The following NCOA2 variants were observed in gnomAD, a reference collection of about 807,000 sequenced individuals.
The protein encoded by NCOA2 is class E basic helix-loop-helix protein 75.
A neutral mutation model predicts 145.1 loss-of-function variants in NCOA2; 21 were observed. That is an observed-to-expected ratio of 0.14 (90% CI 0.10 to 0.21). The LOEUF is 0.21. Ranked by LOEUF, NCOA2 falls within the 10% of genes least tolerant of loss-of-function variation. NCOA2 has a pLI of 1.00. For synonymous variants in NCOA2, 619 were observed against 637.5 expected (o/e 0.97, Z 0.44); for missense variants, 1,472 against 1,837.6 (o/e 0.80, Z 3.64).
intron 11 of NCOA2, among the ~76,000 whole-genome samples, chr8:70,150,983 G>C (rs1357117803): frequency 6.6e-6 from 1 of 152,082 alleles, no homozygotes; most frequent in Non-Finnish European, 1.5e-5. Flanking sequence ...AAACTGAGAA[G>C]GTTATATCTG....
At chr8:70,230,925 CTT>C (rs1821075468) in intron 2 of NCOA2, among the ~76,000 whole-genome samples, 1 of 152,100 alleles carries the variant, frequency 6.6e-6, no homozygotes, top group South Asian at 2.1e-4. Flanking sequence ...CATTAAATGT[CTT>C]TATAATTTTC....
At chr8:70,309,381 AG>A (rs1398916657) in intron 1 of NCOA2, among the ~76,000 whole-genome samples, 1 of 151,964 alleles carries the variant, frequency 6.6e-6, no homozygotes, top group Non-Finnish European at 1.5e-5. Flanking sequence ...AAAAAAAAAA[AG>A]AAACATCTCG....
At chr8:70,389,199 GCTACTA>G (rs1221239019) in intron 1 of NCOA2, among the ~76,000 whole-genome samples, 26 of 152,160 alleles carry the variant, frequency 1.7e-4, no homozygotes, top group Non-Finnish European at 3.5e-4. Flanking sequence ...ACTGACCCAA[GCTACTA>G]TCACATCTGT....
At chr8:70,181,008 C>T (rs574383951) in intron 4 of NCOA2, among the ~76,000 whole-genome samples, 1 of 152,280 alleles carries the variant, frequency 6.6e-6, no homozygotes, top group South Asian at 2.1e-4. Context: ...TAAAAAAAGG[C>T]CTTTACATAA....
At chr8:70,341,082 G>GAAAAAAAAAAAAAAAAAAAAA (rs3085558) in intron 1 of NCOA2, among the ~76,000 whole-genome samples, 13 of 105,050 alleles carry the variant, frequency 1.2e-4, no homozygotes, top group African/African-American at 4.2e-4. Context: ...TTAAAAAGTT[G>GAAAAAAAAAAAAAAAAAAAAA]AAAAAAAAAA....
intron 2 of NCOA2, among the ~76,000 whole-genome samples, chr8:70,256,310 T>C (rs1563687574): frequency 1.3e-5 from 2 of 152,128 alleles, no homozygotes; most frequent in Non-Finnish European, 2.9e-5. Context: ...GACAAAAACA[T>C]TTTTCAGAGA....
At chr8:70,285,083 A>G (rs2135537190) in intron 2 of NCOA2, among the ~76,000 whole-genome samples, 1 of 152,312 alleles carries the variant, frequency 6.6e-6, no homozygotes, top group South Asian at 2.1e-4. Flanking sequence ...ACTACCTATA[A>G]AAAGGACATG....
At chr8:70,387,707 G>C (rs1317158702) in intron 1 of NCOA2, among the ~76,000 whole-genome samples, 1 of 151,666 alleles carries the variant, frequency 6.6e-6, no homozygotes, top group East Asian at 1.9e-4. Flanking sequence ...GGGGATAGAG[G>C]GGGAGGGCGG....
intron 4 of NCOA2, among the ~76,000 whole-genome samples, chr8:70,185,473 A>G (rs1437757731): frequency 6.6e-6 from 1 of 152,214 alleles, no homozygotes; most frequent in Non-Finnish European, 1.5e-5. Flanking sequence ...ATGAAGGCAC[A>G]GGGAGAATGG....
chr8:70,200,476 C>T (rs919216250), intron 4 of NCOA2, among the ~76,000 whole-genome samples: 8 of 152,106 alleles, frequency 5.3e-5, no homozygotes, highest in African/African-American at 1.9e-4. Flanking sequence ...TGATCTGTGG[C>T]CTGTCTCTCC....
At chr8:70,267,430 C>G (rs1405025449) in intron 2 of NCOA2, among the ~76,000 whole-genome samples, 1 of 143,122 alleles carries the variant, frequency 7.0e-6, no homozygotes, top group Non-Finnish European at 1.5e-5. Context: ...GATAGGGCCT[C>G]GCTCTGTCAC....
chr8:70,196,999 T>C (rs1406224657), intron 4 of NCOA2, among the ~76,000 whole-genome samples: 1 of 152,236 alleles, frequency 6.6e-6, no homozygotes, highest in African/African-American at 2.4e-5. Context: ...CACAGATCTA[T>C]TCTATGGACA....
At chr8:70,132,599 TC>T (rs1809259292) in intron 15 of NCOA2, among the ~76,000 whole-genome samples, 1 of 152,214 alleles carries the variant, frequency 6.6e-6, no homozygotes, top group Non-Finnish European at 1.5e-5. Context: ...GGGTCTCACT[TC>T]ATTGCCCAGG....
In NCOA2 at chr8:70,156,068, A is replaced by G; in HGVS notation, c.2297T>C (p.Leu766Pro). The change falls in exon 11 of 23, where the codon CTT (leucine) becomes CCT (proline). Residue 766 changes from leucine to proline, a missense_variant. This residue lies in a region of NCOA2 where 953 missense variants were observed against 1,062.1 expected (regional missense o/e 0.90). Coordinates refer to ENST00000452400, the MANE Select transcript of NCOA2 (RefSeq NM_006540.4). Reference protein sequence around the residue: ...DIGLPEITPKLERLDSKTDPA... With the variant: ...DIGLPEITPKPERLDSKTDPA... ...ATCTGTCTTACTGTCCAGTCTCTCA[A>G]GTTTGGGGGTTATTTCTGGTAAACC... 1.2e-6 allele frequency: 2 copies of G among 1,613,876 alleles called. No individual in the cohort carries two copies. The highest frequency in any genetic ancestry group is 1.7e-6 in the Non-Finnish European group (2 of 1,179,850).
intron 4 of NCOA2, among the ~76,000 whole-genome samples, chr8:70,192,341 T>G (rs1021840029): frequency 1.3e-5 from 2 of 152,098 alleles, no homozygotes; most frequent in Admixed American, 1.3e-4. Context: ...AAAAAAGAAA[T>G]AAACTGATGG....
intron 1 of NCOA2, among the ~76,000 whole-genome samples, chr8:70,297,198 G>GT (rs1827157665): frequency 6.6e-6 from 1 of 152,150 alleles, no homozygotes; most frequent in East Asian, 1.9e-4. Flanking sequence ...CCAGCACATT[G>GT]TAACAGGCAG....
intron 2 of NCOA2, among the ~76,000 whole-genome samples, chr8:70,248,347 A>T (rs954740705): frequency 6.6e-6 from 1 of 152,182 alleles, no homozygotes; most frequent in Non-Finnish European, 1.5e-5. Context: ...TCACTCTGCA[A>T]AGTTCTCTTG....
chr8:70,231,522 G>C (rs570179293), intron 2 of NCOA2, among the ~76,000 whole-genome samples: 2 of 152,214 alleles, frequency 1.3e-5, no homozygotes, highest in African/African-American at 4.8e-5. Flanking sequence ...CTCCGCCCCA[G>C]ACCAACTAAA....
rs755156481 is a variant in NCOA2, at chr8:70,123,889, C to T, written c.4288G>A (p.Glu1430Lys). 17 of 1,610,498 alleles carry T rather than the reference C, an allele frequency of 1.1e-5. No homozygotes were observed. In the Admixed American group the frequency reaches 1.7e-4, roughly 16 times the overall value. The change falls in exon 21 of 23, where the codon GAG becomes AAG. Residue 1430 changes from glutamate (E) to lysine (K), a missense_variant. Coordinates refer to ENST00000452400, the MANE Select transcript of NCOA2 (RefSeq NM_006540.4). ...PTSGLSSMGP[E>K]QVNDPALRGG... ...GCTTCTCCTTGGGCACTCACCTGCTCGGGACCCATGGAGGACAGCCCTGAC... is the reference window on the plus strand; with the variant it reads ...GCTTCTCCTTGGGCACTCACCTGCTTGGGACCCATGGAGGACAGCCCTGAC...
Sources: gnomAD v4.1 joint callset for allele counts (sites outside exome capture counted in the v4.1 genomes callset) on GRCh38, gnomAD v4.1.1 for gene constraint, gnomAD v4.1.1 regional missense constraint, MANE v1.5 for transcripts, NCBI Gene and HGNC (gene_info 2026-07-23, HGNC 2026-07-21) for gene names.